The following AFG1L variants were observed in gnomAD, a reference collection of about 807,000 sequenced individuals.
The protein encoded by AFG1L is AFG1-like ATPase.
AFG1L carries 53 observed loss-of-function variants against 62.2 expected under a neutral mutation model. The ratio of observed to expected loss-of-function variants is 0.85; its 90% CI spans 0.68 to 1.07. The LOEUF (loss-of-function observed/expected upper bound fraction) is 1.07, where lower values mean the gene tolerates loss of function less well. AFG1L is among the 50% of genes least tolerant of loss of function. The pLI, the probability that AFG1L is intolerant of heterozygous loss-of-function variation, is 0.00. For synonymous variants in AFG1L, 228 were observed against 210.3 expected, an observed-to-expected ratio of 1.08 and a Z score of -0.73; for missense variants, 555 against 590.5, an observed-to-expected ratio of 0.94 and a Z score of 0.62.
chr6:108,424,662 A>G (rs1770737080), intron 7 of AFG1L, among the ~76,000 whole-genome samples: 1 of 152,102 alleles, frequency 6.6e-6, no homozygotes, highest in South Asian at 2.1e-4. Flanking sequence ...ATGAGTTAGA[A>G]GTGGTTAGCT....
chr6:108,320,129 C>T (rs1490193175), intron 1 of AFG1L, among the ~76,000 whole-genome samples: 2 of 152,134 alleles, frequency 1.3e-5, no homozygotes, highest in African/African-American at 4.8e-5. Flanking sequence ...TTGATAAAAT[C>T]ACATTTGGAT....
rs59997020 is a variant in AFG1L at position 108,460,980 on chromosome 6, CAAT to C, written c.890+13685_890+13687del. The stretch of plus-strand genomic sequence containing the variant: ...TCAACAATGACAACAACAACAACAA[CAAT>C]GACAACAACAAAAAGAAGTCCTCCT... On this transcript the variant is annotated intron_variant, in intron 8 of 12. Transcript: ENST00000368977. Among the ~76,000 whole-genome samples, 287 of 152,198 alleles carry C rather than the reference CAAT, an allele frequency of 1.9e-3. 2 individuals carry two copies. Among genetic ancestry groups the C allele is most frequent in the East Asian group, 0.012 (61 of 5,186 alleles).
At chr6:108,388,381 T>G (rs1450963024) in intron 6 of AFG1L, among the ~76,000 whole-genome samples, 1 of 151,956 alleles carries the variant, frequency 6.6e-6, no homozygotes, top group African/African-American at 2.4e-5. Context: ...TTTCCTTCAG[T>G]TCTGCTCTGA....
rs754554184 is a variant in AFG1L at position 108,439,666 on chromosome 6, G to A, written c.808-7548G>A. On this transcript the variant is annotated intron_variant, in intron 7 of 12. Coordinates refer to ENST00000368977, the MANE Select transcript of AFG1L (RefSeq NM_145315.5). ...TGATATTCTATTTCATGACTGAGCC[G>A]GACACTTATAATTTGTATACTTTCC... Among the ~76,000 whole-genome samples the A allele has an allele frequency of 1.6e-4, 25 of 151,912 alleles. 1 individual carries two copies. Among genetic ancestry groups the A allele is most frequent in the Non-Finnish European group, 2.6e-4 (18 of 67,984 alleles).
chr6:108,466,778 AAT>A (rs905624218), intron 8 of AFG1L, among the ~76,000 whole-genome samples: 2 of 148,022 alleles, frequency 1.4e-5, no homozygotes, highest in African/African-American at 4.9e-5. Context: ...TATTTTAAAA[AAT>A]ATATATATTT....
chr6:108,501,521 A>T (rs1271843727), intron 10 of AFG1L, among the ~76,000 whole-genome samples: 1 of 152,202 alleles, frequency 6.6e-6, no homozygotes, highest in African/African-American at 2.4e-5. Flanking sequence ...GTATTTCTTG[A>T]TCATATTACT....
At chr6:108,415,182 G>C (rs1263256098) in intron 7 of AFG1L, among the ~76,000 whole-genome samples, 1 of 152,170 alleles carries the variant, frequency 6.6e-6, no homozygotes, top group African/African-American at 2.4e-5. Context: ...TTGCTTCAAA[G>C]ATAATAAAAT....
intron 6 of AFG1L, among the ~76,000 whole-genome samples, chr6:108,379,576 G>A (rs1177234721): frequency 6.6e-6 from 1 of 152,206 alleles, no homozygotes; most frequent in Non-Finnish European, 1.5e-5. Flanking sequence ...AGGCAGACCT[G>A]GCAAATCTGC....
At chr6:108,502,394 G>T (rs1272988495) in intron 10 of AFG1L, among the ~76,000 whole-genome samples, 3 of 152,102 alleles carry the variant, frequency 2.0e-5, no homozygotes, top group African/African-American at 7.2e-5. Flanking sequence ...TAGTAGAGAT[G>T]GTGTTTCTCC....
intron 10 of AFG1L, among the ~76,000 whole-genome samples, chr6:108,486,865 C>T (rs1239461840): frequency 6.6e-6 from 1 of 152,056 alleles, no homozygotes; most frequent in African/African-American, 2.4e-5. Flanking sequence ...TCACCACGCC[C>T]AGCTAATTTT....
At chr6:108,401,903 T>A (rs559787773) in intron 6 of AFG1L, 93 bp from the exon 7 acceptor site, 9 of 596,172 alleles carry the variant, frequency 1.5e-5, no homozygotes, top group African/African-American at 9.9e-5. Context: ...TCTTTTTTTT[T>A]AATCAGTAGA....
chr6:108,354,370 C>T (rs1436417826), intron 3 of AFG1L, among the ~76,000 whole-genome samples: 2 of 151,818 alleles, frequency 1.3e-5, no homozygotes, highest in African/African-American at 4.8e-5. Context: ...AGTGCAGTGG[C>T]ACGATCTCAC....
intron 3 of AFG1L, 75 bp downstream of exon 3, chr6:108,347,114 T>A: frequency 3.3e-6 from 4 of 1,229,568 alleles, no homozygotes; most frequent in Non-Finnish European, 3.6e-6. Flanking sequence ...TGATTTCTAT[T>A]TCTATCCCTC....
intron 2 of AFG1L, among the ~76,000 whole-genome samples, chr6:108,333,282 C>T (rs1240042433): frequency 1.3e-5 from 2 of 152,054 alleles, no homozygotes; most frequent in African/African-American, 4.8e-5. Context: ...TGGTGGCGGG[C>T]GCCTGTAATT....
At chr6:108,315,774 G>T (rs1448351083) in intron 1 of AFG1L, among the ~76,000 whole-genome samples, 1 of 152,184 alleles carries the variant, frequency 6.6e-6, no homozygotes. Flanking sequence ...TGGGCTGGAT[G>T]TGGTAGCTCA....
intron 1 of AFG1L, among the ~76,000 whole-genome samples, chr6:108,311,037 AGGC>A (rs1326148826): frequency 6.6e-6 from 1 of 152,168 alleles, no homozygotes; most frequent in Non-Finnish European, 1.5e-5. Flanking sequence ...GCTTAAGAGA[AGGC>A]ATAAGCCACT....
chr6:108,343,524 T>C, intron 2 of AFG1L, among the ~76,000 whole-genome samples: 1 of 152,202 alleles, frequency 6.6e-6, no homozygotes, highest in African/African-American at 2.4e-5. Context: ...GAATTATGAA[T>C]TGCTATGACA....
intron 5 of AFG1L, among the ~76,000 whole-genome samples, chr6:108,358,071 C>T (rs2114468144): frequency 6.6e-6 from 1 of 152,292 alleles, no homozygotes; most frequent in East Asian, 1.9e-4. Flanking sequence ...CAGATGCTCT[C>T]CTGCCGCTCT....
intron 11 of AFG1L, among the ~76,000 whole-genome samples, chr6:108,516,332 C>A (rs979855439): frequency 5.3e-5 from 8 of 152,190 alleles, no homozygotes; most frequent in Non-Finnish European, 7.3e-5. Flanking sequence ...CCCTGGGATG[C>A]AAGGCTGGTT....
Sources: gnomAD v4.1 joint callset for allele counts (sites outside exome capture counted in the v4.1 genomes callset) on GRCh38, gnomAD v4.1.1 for gene constraint, MANE v1.5 for transcripts, NCBI Gene and HGNC (gene_info 2026-07-23, HGNC 2026-07-21) for gene names.